Variants in COX10 observed in about 807,000 individuals in gnomAD.
COX10 encodes protoheme IX farnesyltransferase, mitochondrial.
In COX10, 27 loss-of-function variants were observed where a neutral mutation model predicts 37.3. The observed-to-expected ratio is 0.72, with a 90% confidence interval of 0.53 to 1.00. COX10 has a LOEUF of 1.00. COX10 is among the 50% of genes least tolerant of loss of function. The pLI is 0.00. For synonymous variants in COX10, 222 were observed against 229.1 expected (o/e 0.97, Z 0.28); for missense variants, 475 against 563.2 (o/e 0.84, Z 1.59).
intron 5 of COX10, among the ~76,000 whole-genome samples, chr17:14,179,027 C>G (rs1394280717): frequency 4.6e-5 from 7 of 152,228 alleles, no homozygotes; most frequent in African/African-American, 9.6e-5. Flanking sequence ...TTGTAACTTT[C>G]TAGCTATAAT....
At chr17:14,154,134 A>G (rs72816670) in intron 4 of COX10, among the ~76,000 whole-genome samples, 3,859 of 152,318 alleles carry the variant, frequency 0.025, 89 homozygotes, top group Middle Eastern at 0.058. Flanking sequence ...GTTGGGTGGA[A>G]GAGGCGGACT....
chr17:14,132,923 C>G (rs1330862123), intron 4 of COX10, among the ~76,000 whole-genome samples: 2 of 151,416 alleles, frequency 1.3e-5, no homozygotes, highest in African/African-American at 2.4e-5. Flanking sequence ...AGAACTTTAA[C>G]CATTCTTATT....
intron 5 of COX10, among the ~76,000 whole-genome samples, chr17:14,175,011 A>G (rs1258693354): frequency 9.5e-6 from 1 of 105,430 alleles, no homozygotes; most frequent in Non-Finnish European, 2.0e-5. Context: ...ATGTCGTATG[A>G]TTCCATTTAT....
intron 5 of COX10, among the ~76,000 whole-genome samples, chr17:14,173,577 A>T (rs1428237602): frequency 2.0e-5 from 3 of 152,218 alleles, no homozygotes; most frequent in African/African-American, 7.2e-5. Flanking sequence ...AGAGGGAAGG[A>T]TGTGTATAGG....
chr17:14,156,966 C>T (rs756975455), intron 4 of COX10, among the ~76,000 whole-genome samples: 10 of 152,160 alleles, frequency 6.6e-5, no homozygotes, highest in Non-Finnish European at 1.5e-4. Flanking sequence ...TATGTGGTCT[C>T]TGTTGCAACT....
chr17:14,114,489 A>G (rs987366465), intron 4 of COX10, among the ~76,000 whole-genome samples: 6 of 152,122 alleles, frequency 3.9e-5, no homozygotes, highest in African/African-American at 1.4e-4. Context: ...GGTTAGTATA[A>G]TAGTAAAAAA....
At chr17:14,094,723 G>A (rs929288995) in intron 3 of COX10, among the ~76,000 whole-genome samples, 1 of 152,222 alleles carries the variant, frequency 6.6e-6, no homozygotes, top group African/African-American at 2.4e-5. Flanking sequence ...GCTTTGAAAT[G>A]TAAAGTCCAA....
At chr17:14,137,262 T>C (rs1393279246) in intron 4 of COX10, among the ~76,000 whole-genome samples, 3 of 151,016 alleles carry the variant, frequency 2.0e-5, no homozygotes, top group Non-Finnish European at 4.4e-5. Flanking sequence ...TATATTTATA[T>C]ATTATAAACA....
intron 3 of COX10, among the ~76,000 whole-genome samples, chr17:14,098,830 A>G (rs181177552): frequency 2.4e-4 from 37 of 152,240 alleles, no homozygotes; most frequent in Non-Finnish European, 1.0e-4. Context: ...TGAGTATTCT[A>G]CCTTTGATTG....
At chr17:14,079,480 G>A (rs1915230706) in intron 3 of COX10, among the ~76,000 whole-genome samples, 1 of 152,156 alleles carries the variant, frequency 6.6e-6, no homozygotes, top group Admixed American at 6.5e-5. Flanking sequence ...GTATCATATA[G>A]GAGAGGTGCT....
intron 5 of COX10, among the ~76,000 whole-genome samples, chr17:14,165,629 A>G (rs1455151091): frequency 6.6e-6 from 1 of 152,200 alleles, no homozygotes; most frequent in Non-Finnish European, 1.5e-5. Context: ...TGTGTGTGCA[A>G]GTGAAAGGGA....
At chr17:14,087,551 T>C (rs1915437036) in intron 3 of COX10, among the ~76,000 whole-genome samples, 1 of 152,154 alleles carries the variant, frequency 6.6e-6, no homozygotes, top group South Asian at 2.1e-4. Flanking sequence ...CCTAACAGTT[T>C]CACTTGTTGG....
chr17:14,183,746 C>G (rs1905940665), intron 5 of COX10, among the ~76,000 whole-genome samples: 1 of 152,262 alleles, frequency 6.6e-6, no homozygotes, highest in Admixed American at 6.5e-5. Context: ...CCCCTCCCTC[C>G]AGCTCTATTT....
At position 14,207,063 on chromosome 17, in the gene COX10, C is replaced by G. The variant is rs1238336067; in HGVS notation, c.1182C>G (p.Tyr394Ter). 3 of 1,613,972 alleles carry G rather than the reference C, an allele frequency of 1.9e-6. No homozygotes were observed. The highest frequency in any genetic ancestry group is 1.7e-6 in the Non-Finnish European group (2 of 1,179,952). ...TTCCCATCAATGCGTACATCTCCTACCTCGGCTTCCGCTTCTACGTGGACG... is the reference window on the plus strand; with the variant it reads ...TTCCCATCAATGCGTACATCTCCTAGCTCGGCTTCCGCTTCTACGTGGACG... ...MALPINAYIS[Y>*]LGFRFYVDAD... The change falls in exon 7 of 7, where the codon TAC becomes TAG. Residue 394 changes from tyrosine (Y) to a stop codon, truncating the protein, a stop_gained. Coordinates refer to ENST00000261643, the MANE Select transcript of COX10 (RefSeq NM_001303.4). LOFTEE classifies it high-confidence loss of function.
intron 3 of COX10, among the ~76,000 whole-genome samples, chr17:14,095,561 C>T (rs984592694): frequency 3.3e-5 from 5 of 152,188 alleles, no homozygotes; most frequent in Admixed American, 1.3e-4. Flanking sequence ...AAGCACATTA[C>T]CACAAATTTA....
intron 5 of COX10, among the ~76,000 whole-genome samples, chr17:14,164,218 G>T (rs1359237022): frequency 6.6e-6 from 1 of 152,188 alleles, no homozygotes; most frequent in East Asian, 1.9e-4. Flanking sequence ...GGCTTAGGTT[G>T]TTTGCCATGG....
At chr17:14,127,797 C>T (rs1309789701) in intron 4 of COX10, among the ~76,000 whole-genome samples, 1 of 152,056 alleles carries the variant, frequency 6.6e-6, no homozygotes, top group Non-Finnish European at 1.5e-5. Flanking sequence ...TACTGAGAAG[C>T]TATTATTTTG....
chr17:14,145,957 T>G (rs1567601293), intron 4 of COX10, among the ~76,000 whole-genome samples: 2 of 152,148 alleles, frequency 1.3e-5, no homozygotes, highest in African/African-American at 2.4e-5. Flanking sequence ...TCCGTTAATG[T>G]TGGTTTTATA....
At chr17:14,196,959 T>C (rs1906386309) in intron 6 of COX10, among the ~76,000 whole-genome samples, 1 of 152,176 alleles carries the variant, frequency 6.6e-6, no homozygotes, top group Non-Finnish European at 1.5e-5. Flanking sequence ...ACGGAACATA[T>C]TCCCTTCTGA....
Sources: allele counts gnomAD v4.1 joint callset (sites outside exome capture counted in the v4.1 genomes callset), GRCh38; gene constraint gnomAD v4.1.1; transcripts MANE v1.5; gene names NCBI Gene and HGNC (gene_info 2026-07-23, HGNC 2026-07-21).